The following DGKB variants were observed in gnomAD, a reference collection of about 807,000 sequenced individuals.
The protein encoded by DGKB is 90 kDa diacylglycerol kinase.
In DGKB, 67 loss-of-function variants were observed where a neutral mutation model predicts 114.3. The observed-to-expected ratio is 0.59, with a 90% CI of 0.48 to 0.72. DGKB has a LOEUF of 0.72. Ranked by LOEUF, DGKB falls within the 30% of genes least tolerant of loss-of-function variation. The pLI, the probability that DGKB is intolerant of heterozygous loss-of-function variation, is 0.00. For synonymous variants in DGKB, 398 were observed against 323.1 expected, an observed-to-expected ratio of 1.23 and a Z score of -2.49; for missense variants, 907 against 975.2, an observed-to-expected ratio of 0.93 and a Z score of 0.93.
At chr7:14,852,413 G>A (rs1849476773) in intron 1 of DGKB, among the ~76,000 whole-genome samples, 1 of 131,794 alleles carries the variant, frequency 7.6e-6, no homozygotes, top group East Asian at 2.5e-4. Flanking sequence ...TTTGGTAGTT[G>A]AATATAAATA....
At chr7:14,871,673 T>C (rs533673382) in intron 1 of DGKB, among the ~76,000 whole-genome samples, 1 of 152,272 alleles carries the variant, frequency 6.6e-6, no homozygotes, top group African/African-American at 2.4e-5. Flanking sequence ...TGAGAAAATA[T>C]ATTAGGAACA....
At chr7:14,356,827 T>A (rs1051529036) in intron 21 of DGKB, among the ~76,000 whole-genome samples, 20 of 152,100 alleles carry the variant, frequency 1.3e-4, no homozygotes, top group Admixed American at 1.3e-3. Context: ...TCAAAGAACA[T>A]CTTTATTTCT....
At chr7:14,425,023 T>C (rs977115195) in intron 21 of DGKB, among the ~76,000 whole-genome samples, 5 of 152,188 alleles carry the variant, frequency 3.3e-5, no homozygotes, top group African/African-American at 1.2e-4. Flanking sequence ...ACTTGGTTGA[T>C]GTAGAAATAT....
In DGKB at chr7:14,158,067, C is replaced by T. The variant is rs184956059; in HGVS notation, c.2305-8829G>A. ...AGCTATAAAACCCTGACCAAAGAAT[C>T]TCAGTTTTGACCTTCGGTCTCTGTT... On this transcript the variant is annotated intron_variant, in intron 25 of 25. Coordinates refer to ENST00000402815, the MANE Select transcript of DGKB (RefSeq NM_001350709.2). Among the ~76,000 whole-genome samples the T allele has an allele frequency of 3.8e-4, 58 of 152,326 alleles. 1 individual carries two copies. The highest frequency in any genetic ancestry group is 1.4e-3 in the African/African-American group (57 of 41,582).
At chr7:14,389,635 T>C (rs1246908699) in intron 21 of DGKB, among the ~76,000 whole-genome samples, 1 of 152,196 alleles carries the variant, frequency 6.6e-6, no homozygotes, top group Non-Finnish European at 1.5e-5. Context: ...CTCTAATTCC[T>C]CTAAGCGAAA....
At chr7:14,392,495 G>A (rs12671101) in intron 21 of DGKB, among the ~76,000 whole-genome samples, 1 of 152,126 alleles carries the variant, frequency 6.6e-6, no homozygotes, top group African/African-American at 2.4e-5. Flanking sequence ...ATTGTTAAAA[G>A]AACATATAAA....
At chr7:14,685,173 A>G in intron 10 of DGKB, 72 bp downstream of exon 10, 8 of 975,352 alleles carry the variant, frequency 8.2e-6, no homozygotes, top group Non-Finnish European at 1.3e-5. Context: ...CCATTTACAA[A>G]TAAGACTATT....
chr7:14,534,183 A>G (rs1000836664), intron 20 of DGKB, among the ~76,000 whole-genome samples: 1 of 152,060 alleles, frequency 6.6e-6, no homozygotes, highest in African/African-American at 2.4e-5. Context: ...AGGAGAATAA[A>G]AGTATAGAGG....
At chr7:14,316,427 C>T (rs1202004228) in intron 23 of DGKB, among the ~76,000 whole-genome samples, 13 of 121,684 alleles carry the variant, frequency 1.1e-4, no homozygotes, top group South Asian at 3.1e-4. Context: ...ATCAAATAGA[C>T]GCAATAAAAA....
chr7:14,168,883 GATTTT>G (rs990199555), intron 25 of DGKB, among the ~76,000 whole-genome samples: 11 of 152,186 alleles, frequency 7.2e-5, no homozygotes, highest in Non-Finnish European at 1.5e-4. Context: ...TGAAGGAAGA[GATTTT>G]ATTTTATTTT....
chr7:14,941,751 C>T (rs1316153097), intron 1 of DGKB, among the ~76,000 whole-genome samples: 5 of 151,844 alleles, frequency 3.3e-5, no homozygotes, highest in African/African-American at 9.7e-5. Flanking sequence ...TTTAATGGTA[C>T]TAGATTTCAG....
rs117457179 is a variant in DGKB, at chr7:14,312,398, T to C, written c.2122+26117A>G. 1.9e-4 allele frequency among the ~76,000 whole-genome samples: 29 copies of C among 152,344 alleles called. No individual in the cohort carries two copies. The East Asian group carries it at 5.2e-3, about 27-fold the overall frequency. On this transcript the variant is annotated intron_variant, in intron 23 of 25. Coordinates refer to ENST00000402815, the MANE Select transcript of DGKB (RefSeq NM_001350709.2). ...TGAAGCAAAACAATGTTGTATAAAA[T>C]TGCTGGATCTTTAGCATGAAACAAG...
chr7:14,384,546 A>G (rs1820016568), intron 21 of DGKB, among the ~76,000 whole-genome samples: 2 of 152,206 alleles, frequency 1.3e-5, no homozygotes, highest in African/African-American at 2.4e-5. Context: ...ACATGACACA[A>G]TGAATTTCCC....
intron 16 of DGKB, 100 bp downstream of exon 16, chr7:14,613,240 G>A: frequency 3.1e-6 from 2 of 648,314 alleles, no homozygotes; most frequent in Non-Finnish European, 2.7e-6. Context: ...ATTAAAATTA[G>A]CAGAGAGGAA....
At chr7:14,202,419 A>AT (rs1233100372) in intron 23 of DGKB, among the ~76,000 whole-genome samples, 1 of 151,950 alleles carries the variant, frequency 6.6e-6, no homozygotes, top group African/African-American at 2.4e-5. Flanking sequence ...ATAACAAGGT[A>AT]TTTTTCAGGG....
chr7:14,696,833 T>C (rs956100914), intron 8 of DGKB, among the ~76,000 whole-genome samples: 3 of 152,200 alleles, frequency 2.0e-5, no homozygotes, highest in Admixed American at 6.5e-5. Context: ...TCCCAATAGC[T>C]GCTTTAAAAC....
chr7:14,536,098 GAAAGAAGAAATAGAAACACTTT>G (rs374082518), intron 20 of DGKB, among the ~76,000 whole-genome samples: 336 of 152,034 alleles, frequency 2.2e-3, no homozygotes, highest in African/African-American at 7.5e-3. Context: ...TACTAAGACA[GAAAGAAGAAATAGAAACACTTT>G]AAAGATCGGT....
chr7:14,724,085 C>G (rs1269538936), intron 5 of DGKB, among the ~76,000 whole-genome samples: 1 of 152,124 alleles, frequency 6.6e-6, no homozygotes, highest in Non-Finnish European at 1.5e-5. Flanking sequence ...TAGTCAAAAA[C>G]AATAACATGG....
intron 1 of DGKB, among the ~76,000 whole-genome samples, chr7:14,877,915 T>C (rs1476594971): frequency 6.6e-6 from 1 of 152,210 alleles, no homozygotes; most frequent in East Asian, 1.9e-4. Context: ...TATCATGTTA[T>C]AAATTTTTTA....
Sources: allele counts gnomAD v4.1 joint callset (sites outside exome capture counted in the v4.1 genomes callset), GRCh38; gene constraint gnomAD v4.1.1; transcripts MANE v1.5; gene names NCBI Gene and HGNC (gene_info 2026-07-23, HGNC 2026-07-21).